TRHDE: variants seen among roughly 807,000 people sequenced by gnomAD.
TRHDE encodes the protein thyrotropin-releasing hormone-degrading ectoenzyme.
In TRHDE, 72 loss-of-function variants were observed where a neutral mutation model predicts 125.7. The ratio of observed to expected loss-of-function variants is 0.57; its 90% confidence interval spans 0.47 to 0.70. TRHDE has a LOEUF of 0.70. Among genes scored for constraint, TRHDE ranks in the 30% least tolerant of loss-of-function variants. The pLI is 0.00. For synonymous variants in TRHDE, 509 were observed against 509.1 expected, an observed-to-expected ratio of 1.00 and a Z score of 0.00; for missense variants, 1,110 against 1,327.1, an observed-to-expected ratio of 0.84 and a Z score of 2.54.
chr12:72,282,953 C>T lies in TRHDE; in HGVS notation c.915-3728C>T, dbSNP rs193201733. Among the ~76,000 whole-genome samples the T allele has an allele frequency of 1.5e-3, 235 of 152,250 alleles. 1 individual carries two copies. The highest frequency in any genetic ancestry group is 0.01 in the Middle Eastern group (3 of 294). On this transcript the variant is annotated intron_variant, in intron 1 of 18. Transcript: ENST00000261180. ...GCCAGGGATACTGCTAAAGATCCTT[C>T]AAGGCACAAGACAGTCCCCACAACA... is the stretch of plus-strand genomic sequence containing the variant.
At chr12:72,397,438 A>G (rs970407868) in intron 3 of TRHDE, among the ~76,000 whole-genome samples, 1 of 152,160 alleles carries the variant, frequency 6.6e-6, no homozygotes, top group African/African-American at 2.4e-5. Flanking sequence ...CTTTAAAAAC[A>G]CAAGTCACGC....
chr12:72,314,567 A>G (rs1202496845), intron 2 of TRHDE, among the ~76,000 whole-genome samples: 3 of 152,192 alleles, frequency 2.0e-5, no homozygotes, highest in African/African-American at 7.2e-5. Context: ...GTTTCAAACC[A>G]GTGTCACTGA....
In TRHDE at chr12:72,272,625, A is replaced by C; in HGVS notation, c.-19A>C. The stretch of plus-strand genomic sequence containing the variant: ...CGGGGGGTGCCAGAGGGGGCGGGGG[A>C]GGAGGAGGAGGCGGTGTGATGGCCC... On this transcript the variant is annotated 5_prime_UTR_variant, in exon 1 of 19. Coordinates refer to ENST00000261180, the MANE Select transcript of TRHDE (RefSeq NM_013381.3). This position sits in a 1 kb window ranked among gnomAD's most constrained non-coding sequence, Gnocchi z 6.7. 9.6e-6 allele frequency: 8 copies of C among 835,808 alleles called. No homozygotes were observed. Among genetic ancestry groups the C allele is most frequent in the African/African-American group, 3.6e-5 (2 of 56,202 alleles). 51.8% of individuals were successfully genotyped at this position (835,808 alleles called of 1,614,324 possible).
intron 9 of TRHDE, among the ~76,000 whole-genome samples, chr12:72,566,718 A>G (rs1285454323): frequency 3.3e-5 from 5 of 151,926 alleles, no homozygotes; most frequent in African/African-American, 9.7e-5. Flanking sequence ...TCAATTTTCT[A>G]TATTCTTTGC....
intron 2 of TRHDE, among the ~76,000 whole-genome samples, chr12:72,148,025 A>G (rs978997060): frequency 2.6e-5 from 4 of 152,256 alleles, no homozygotes; most frequent in African/African-American, 7.2e-5. Flanking sequence ...TTCACACTGT[A>G]CATCAAATGA....
intron 6 of TRHDE, among the ~76,000 whole-genome samples, chr12:72,540,777 A>C (rs1869106927): frequency 6.6e-6 from 1 of 151,848 alleles, no homozygotes; most frequent in Non-Finnish European, 1.5e-5. Context: ...TCATATACAA[A>C]TGTGCAGAAG....
intron 15 of TRHDE, among the ~76,000 whole-genome samples, chr12:72,623,414 T>C (rs1370671117): frequency 6.6e-6 from 1 of 151,996 alleles, no homozygotes; most frequent in Non-Finnish European, 1.5e-5. Context: ...CACCATAATT[T>C]CTCTAGAAAG....
At chr12:72,527,052 T>C (rs1006379531) in intron 6 of TRHDE, among the ~76,000 whole-genome samples, 6 of 152,130 alleles carry the variant, frequency 3.9e-5, no homozygotes, top group African/African-American at 1.4e-4. Flanking sequence ...TTGTCTCAAA[T>C]AATGCTGCTC....
intron 7 of TRHDE, among the ~76,000 whole-genome samples, chr12:72,559,974 C>T (rs180930063): frequency 6.6e-6 from 1 of 152,006 alleles, no homozygotes; most frequent in Non-Finnish European, 1.5e-5. Flanking sequence ...CCTGAACACA[C>T]TAAGTGCTCC....
intron 2 of TRHDE, among the ~76,000 whole-genome samples, chr12:72,292,935 G>T (rs1363678929): frequency 6.6e-6 from 1 of 152,166 alleles, no homozygotes; most frequent in Non-Finnish European, 1.5e-5. Context: ...AAGGGTTTGG[G>T]TGGTACAGAG....
chr12:72,527,533 CT>C (rs1390498099), intron 6 of TRHDE, among the ~76,000 whole-genome samples: 1 of 150,744 alleles, frequency 6.6e-6, no homozygotes, highest in Non-Finnish European at 1.5e-5. Flanking sequence ...ACAGATAACT[CT>C]TTTCGCAGTC....
chr12:72,304,113 C>T (rs1280164222), intron 2 of TRHDE, among the ~76,000 whole-genome samples: 1 of 152,132 alleles, frequency 6.6e-6, no homozygotes, highest in Non-Finnish European at 1.5e-5. Context: ...CTATCTGGTT[C>T]TACAGGCATT....
Position 72,165,712 on chromosome 12 carries a change from C to T in TRHDE, n.279+59960C>T, listed in dbSNP as rs2140217. Among the ~76,000 whole-genome samples, 654 of 150,860 alleles carry T rather than the reference C, an allele frequency of 4.3e-3. 5 individuals carry two copies. The highest frequency in any genetic ancestry group is 0.015 in the African/African-American group (612 of 40,938). ...TTTTTGAGATGGAGTCCTGCTCTAT[C>T]GCCCAGGCTGGAGGGTCAGGGGCAC... On this transcript the variant is annotated intron_variant and non_coding_transcript_variant, in intron 2 of 4. Coordinates refer to the TRHDE transcript ENST00000548156.
intron 3 of TRHDE, among the ~76,000 whole-genome samples, chr12:72,383,047 C>T (rs565722440): frequency 1.6e-4 from 24 of 152,256 alleles, no homozygotes; most frequent in South Asian, 1.2e-3. Context: ...AACCAGTGCA[C>T]GCTGTGTGAA....
intron 15 of TRHDE, among the ~76,000 whole-genome samples, chr12:72,650,847 T>C (rs1874478121): frequency 6.6e-6 from 1 of 152,142 alleles, no homozygotes; most frequent in African/African-American, 2.4e-5. Context: ...ATCTCCGTAA[T>C]CTTAACCAGA....
At chr12:72,243,068 C>T (rs74103661) in intron 2 of TRHDE, among the ~76,000 whole-genome samples, 2,430 of 152,268 alleles carry the variant, frequency 0.016, 80 homozygotes, top group African/African-American at 0.055. Flanking sequence ...ACATCTGGGA[C>T]TACTGCTGCC....
intron 9 of TRHDE, among the ~76,000 whole-genome samples, chr12:72,566,870 G>A (rs1870472469): frequency 6.6e-6 from 1 of 151,794 alleles, no homozygotes; most frequent in African/African-American, 2.4e-5. Flanking sequence ...TATTCCAAGT[G>A]CATTCAATCA....
Position 72,242,387 on chromosome 12 carries a change from TAG to T in TRHDE, n.280-135600_280-135599del, listed in dbSNP as rs1458570147. Among the ~76,000 whole-genome samples the T allele has an allele frequency of 2.0e-5, 3 of 152,272 alleles. No individual in the cohort carries two copies. The East Asian group carries it at 5.8e-4, about 29-fold the overall frequency. On this transcript the variant is annotated intron_variant and non_coding_transcript_variant, in intron 2 of 4. Transcript: ENST00000548156. ...ACTCCACGGCCAAGCCTCAAGAAGC[TAG>T]AGAGAGAAAAAATTAGTGGGGGTTC...
chr12:72,593,784 C>T (rs61926612), intron 12 of TRHDE, among the ~76,000 whole-genome samples: 1,873 of 152,192 alleles, frequency 0.012, 21 homozygotes, highest in Non-Finnish European at 0.018. Context: ...TCTGTCCTTG[C>T]GACAGTTTGC....
Sources: gnomAD v4.1 joint callset for allele counts (sites outside exome capture counted in the v4.1 genomes callset) on GRCh38, gnomAD v4.1.1 for gene constraint, Gnocchi (gnomAD v3.1) non-coding constraint, MANE v1.5 for transcripts, NCBI Gene and HGNC (gene_info 2026-07-23, HGNC 2026-07-21) for gene names.